The following CAST variants were observed in gnomAD, a reference collection of about 807,000 sequenced individuals.
The protein encoded by CAST is calpastatin.
A neutral mutation model predicts 119.6 loss-of-function variants in CAST; 76 were observed. The observed-to-expected ratio is 0.64, with a 90% CI of 0.53 to 0.77. The LOEUF is 0.77. Ranked by LOEUF, CAST falls within the 30% of genes least tolerant of loss-of-function variation. The probability of loss-of-function intolerance (pLI) is 0.00; values close to 1 mark genes in which losing one functional copy is unlikely to be tolerated. For synonymous variants in CAST, 319 were observed against 331.6 expected (o/e 0.96, Z 0.41); for missense variants, 953 against 946.5 (o/e 1.01, Z -0.09).
the CAST span, among the ~76,000 whole-genome samples, chr5:95,970,545 AC>A: frequency 2.0e-5 from 3 of 152,238 alleles, no homozygotes; most frequent in Admixed American, 2.0e-4. Flanking sequence ...AAATGACTCA[AC>A]ATTTCAGTTT....
chr5:96,021,309 AT>A, the CAST span, among the ~76,000 whole-genome samples: 213 of 152,230 alleles, frequency 1.4e-3, 3 homozygotes, highest in Admixed American at 9.9e-3. Context: ...ACACACAAAA[AT>A]TTTTTTTTAA....
At chr5:96,760,511 A>G (rs1767555669) in intron 24 of CAST, among the ~76,000 whole-genome samples, 1 of 151,932 alleles carries the variant, frequency 6.6e-6, no homozygotes, top group Non-Finnish European at 1.5e-5. Context: ...GTTTATTGTC[A>G]TTTCTGCTTA....
chr5:96,277,838 A>T, the CAST span, among the ~76,000 whole-genome samples: 7 of 151,470 alleles, frequency 4.6e-5, no homozygotes, highest in Non-Finnish European at 8.8e-5. Flanking sequence ...TTAAACATTT[A>T]AAAAAATTGT....
intron 1 of CAST, among the ~76,000 whole-genome samples, chr5:96,563,030 T>A (rs1238974056): frequency 6.6e-6 from 1 of 152,072 alleles, no homozygotes; most frequent in Non-Finnish European, 1.5e-5. Context: ...AAATGAGAGG[T>A]GCCCTCCCTA....
intron 1 of CAST, among the ~76,000 whole-genome samples, chr5:96,604,825 T>C (rs1283310047): frequency 1.3e-5 from 2 of 152,208 alleles, no homozygotes; most frequent in Non-Finnish European, 2.9e-5. Flanking sequence ...GTGTGATATG[T>C]AAAATTCCTT....
chr5:96,529,860 C>T (rs1163828155), exon 1 of CAST: 3 of 434,932 alleles, frequency 6.9e-6, no homozygotes, highest in African/African-American at 2.1e-5. Context: ...TTTCCTGAGG[C>T]CTTCCCAGCC....
At chr5:96,648,717 C>CGTGTGTGTGTCTGTGTGT (rs138871439) in intron 1 of CAST, among the ~76,000 whole-genome samples, 118 of 148,914 alleles carry the variant, frequency 7.9e-4, no homozygotes, top group South Asian at 2.8e-3. Context: ...TATATATATG[C>CGTGTGTGTGTCTGTGTGT]GTGTGTGTGT....
the CAST span, among the ~76,000 whole-genome samples, chr5:96,120,983 G>A: frequency 1.3e-5 from 2 of 152,030 alleles, no homozygotes; most frequent in Admixed American, 6.6e-5. Context: ...TACTTGGTGA[G>A]ACCTTTCCTA....
At position 96,735,533 on chromosome 5, in the gene CAST, A is replaced by G. The variant is rs186602148; in HGVS notation, c.631-639A>G. On this transcript the variant is annotated intron_variant, in intron 9 of 31. Transcript: ENST00000675179. The stretch of plus-strand genomic sequence containing the variant: ...GGGACCAAAGTAAAAGAGATGCCAG[A>G]GGTAATGGAGAACAAAGGGCATAGA... Among the ~76,000 whole-genome samples the G allele has an allele frequency of 2.1e-3, 327 of 152,354 alleles. 1 individual carries two copies. The highest frequency in any genetic ancestry group is 7.7e-3 in the African/African-American group (319 of 41,594).
At chr5:96,343,341 T>G in the CAST span, among the ~76,000 whole-genome samples, 1 of 152,182 alleles carries the variant, frequency 6.6e-6, no homozygotes, top group South Asian at 2.1e-4. Flanking sequence ...GTAGGACAAC[T>G]TATTGATTTT....
At chr5:96,082,028 C>T in the CAST span, among the ~76,000 whole-genome samples, 1 of 152,154 alleles carries the variant, frequency 6.6e-6, no homozygotes, top group African/African-American at 2.4e-5. Context: ...ATTCTCCTGC[C>T]TCAGCCTCCC....
the CAST span, among the ~76,000 whole-genome samples, chr5:96,237,065 AC>A: frequency 6.6e-6 from 1 of 152,190 alleles, no homozygotes; most frequent in African/African-American, 2.4e-5. Flanking sequence ...AGCAGCTGAA[AC>A]CCAGATTCTT....
chr5:96,327,901 A>G, the CAST span, among the ~76,000 whole-genome samples: 2 of 152,120 alleles, frequency 1.3e-5, no homozygotes, highest in Non-Finnish European at 2.9e-5. Flanking sequence ...ATATATTTGG[A>G]AGTGCCTTAC....
At chr5:96,711,627 T>G (rs1272167212) in intron 3 of CAST, among the ~76,000 whole-genome samples, 1 of 152,186 alleles carries the variant, frequency 6.6e-6, no homozygotes, top group African/African-American at 2.4e-5. Flanking sequence ...TAACTTACCC[T>G]AGGTCACTAC....
At chr5:96,586,766 C>G (rs921819133) in intron 1 of CAST, among the ~76,000 whole-genome samples, 16 of 152,168 alleles carry the variant, frequency 1.1e-4, no homozygotes, top group African/African-American at 3.9e-4. Flanking sequence ...ACATACCTAC[C>G]ATGAGTTAAC....
chr5:96,104,571 T>G, the CAST span, among the ~76,000 whole-genome samples: 1 of 152,098 alleles, frequency 6.6e-6, no homozygotes, highest in Non-Finnish European at 1.5e-5. Context: ...TTCTGAGGGC[T>G]CTGTTCTGTT....
At chr5:96,515,680 G>A in the CAST span, among the ~76,000 whole-genome samples, 1 of 152,110 alleles carries the variant, frequency 6.6e-6, no homozygotes, top group Non-Finnish European at 1.5e-5. Flanking sequence ...CTGCCTTGCA[G>A]CAAGGTTTAG....
the CAST span, among the ~76,000 whole-genome samples, chr5:96,418,529 A>C: frequency 6.6e-6 from 1 of 152,146 alleles, no homozygotes; most frequent in African/African-American, 2.4e-5. Context: ...TCCTCTTTTG[A>C]CTTTCAGAGT....
chr5:96,758,996 T>C (rs1412318198), intron 24 of CAST, among the ~76,000 whole-genome samples: 1 of 152,182 alleles, frequency 6.6e-6, no homozygotes. Flanking sequence ...AGGGTTGTTT[T>C]TTCTTTTAGA....
Sources: allele counts gnomAD v4.1 joint callset (sites outside exome capture counted in the v4.1 genomes callset), GRCh38; gene constraint gnomAD v4.1.1; transcripts MANE v1.5; gene names NCBI Gene and HGNC (gene_info 2026-07-23, HGNC 2026-07-21).